STK32C: variants seen among roughly 807,000 people sequenced by gnomAD.
The protein encoded by STK32C is serine/threonine kinase 32C, also known as serine/threonine-protein kinase 32C.
A neutral mutation model predicts 56.5 loss-of-function variants in STK32C; 31 were observed. That is an observed-to-expected ratio of 0.55 (90% CI 0.41 to 0.74). The LOEUF (loss-of-function observed/expected upper bound fraction) is 0.74. STK32C is among the 30% of genes least tolerant of loss of function. STK32C has a pLI of 0.00. For synonymous variants in STK32C, 309 were observed against 289.4 expected, an observed-to-expected ratio of 1.07 and a Z score of -0.69; for missense variants, 544 against 676.9, an observed-to-expected ratio of 0.80 and a Z score of 2.18.
At chr10:132,258,254 C>T (rs190839501) in intron 1 of STK32C, among the ~76,000 whole-genome samples, 4 of 152,364 alleles carry the variant, frequency 2.6e-5, no homozygotes, top group East Asian at 3.9e-4. Context: ...CCGGGCACAG[C>T]GGGAGCTTTG....
chr10:132,283,507 G>C (rs2065279965), intron 1 of STK32C, among the ~76,000 whole-genome samples: 1 of 152,230 alleles, frequency 6.6e-6, no homozygotes, highest in Non-Finnish European at 1.5e-5. Flanking sequence ...GATGGGCAGT[G>C]GGGAGGGCTC....
intron 2 of STK32C, among the ~76,000 whole-genome samples, chr10:132,243,824 G>C (rs1274371883): frequency 4.6e-5 from 7 of 152,170 alleles, no homozygotes; most frequent in African/African-American, 1.7e-4. Context: ...GCGCCGCCCT[G>C]AACGGGTGGG....
intron 1 of STK32C, among the ~76,000 whole-genome samples, chr10:132,254,726 G>A (rs2064043889): frequency 7.2e-6 from 1 of 138,872 alleles, no homozygotes; most frequent in Non-Finnish European, 1.6e-5. Context: ...GGGAGCCCAG[G>A]AGAGTAAAAT....
intron 1 of STK32C, among the ~76,000 whole-genome samples, chr10:132,274,025 T>C (rs2064920701): frequency 6.6e-6 from 1 of 152,226 alleles, no homozygotes; most frequent in Non-Finnish European, 1.5e-5. Flanking sequence ...ATCCGCAAGT[T>C]GTGGGAGGTG....
chr10:132,232,968 C>T (rs1296379297), intron 2 of STK32C, among the ~76,000 whole-genome samples: 1 of 152,186 alleles, frequency 6.6e-6, no homozygotes, highest in Non-Finnish European at 1.5e-5. Context: ...AATTTTTGTT[C>T]CCCAGAAGCA....
chr10:132,278,649 T>C (rs895635580), intron 1 of STK32C, among the ~76,000 whole-genome samples: 7 of 150,592 alleles, frequency 4.6e-5, no homozygotes, highest in Non-Finnish European at 7.4e-5. Flanking sequence ...TACTCCCAGC[T>C]GCTCAGGAGG....
At chr10:132,331,870 TGCGCAGGCGCACCACCCCCTGCCACCCCC>T (rs2066772977), upstream of STK32C, 5 of 1,299,320 alleles carry the variant, frequency 3.8e-6, no homozygotes, top group Non-Finnish European at 4.2e-6. Context: ...GCCGCGTGCG[TGCGCAGGCGCACCACCCCCTGCCACCCCC>T]GCGCAGGCGC....
chr10:132,223,057 G>A (rs2062740562), intron 8 of STK32C, 71 bp from the exon 9 acceptor site: 6 of 1,508,022 alleles, frequency 4.0e-6, no homozygotes, highest in Non-Finnish European at 5.3e-6. Context: ...GCCACCCCCA[G>A]GCCAGGGCAC....
intron 7 of STK32C, 115 bp from the exon 8 acceptor site, chr10:132,224,638 A>AG: frequency 1.3e-6 from 1 of 748,680 alleles, no homozygotes; most frequent in Non-Finnish European, 2.3e-6. Flanking sequence ...CCCCAAGTGC[A>AG]GGCACAGCTC....
chr10:132,246,176 C>G (rs2063683659), intron 1 of STK32C, among the ~76,000 whole-genome samples: 1 of 152,236 alleles, frequency 6.6e-6, no homozygotes, highest in Non-Finnish European at 1.5e-5. Context: ...ACGTCCTACT[C>G]CCAGGATTGC....
Position 132,304,788 on chromosome 10 carries a change from T to C in STK32C, c.262+2784A>G, listed in dbSNP as rs574888852. On this transcript the variant is annotated intron_variant, in intron 1 of 11. Transcript: ENST00000298630. ...TGGCCCCTGGTCCTGCCTCACTGCC[T>C]GCCCGGCCCGGCGCCCAGGGCGGGC... is the stretch of plus-strand genomic sequence containing the variant. Among the ~76,000 whole-genome samples the C allele has an allele frequency of 1.4e-3, 216 of 152,380 alleles. 2 individuals carry two copies. The highest frequency in any genetic ancestry group is 4.6e-3 in the African/African-American group (190 of 41,592).
intron 1 of STK32C, among the ~76,000 whole-genome samples, chr10:132,257,367 G>A (rs2064158158): frequency 7.4e-6 from 1 of 134,758 alleles, no homozygotes; most frequent in Non-Finnish European, 1.7e-5. Flanking sequence ...GAGACGGAGG[G>A]GCTCCTAGGA....
rs1382424606 is a variant in STK32C at position 132,245,865 on chromosome 10, C to G, written c.318+35G>C. On this transcript the variant is annotated intron_variant, in intron 2 of 11. Coordinates refer to ENST00000298630, the MANE Select transcript of STK32C (RefSeq NM_173575.4). ...CGACTCCACGGTTCTGCCCCTGCCC[C>G]CTCAGCCCAGTCCCCACCCCAGGCC... 7.5e-6 allele frequency: 12 copies of G among 1,605,252 alleles called. No individual in the cohort carries two copies. The South Asian group carries it at 1.2e-4, about 16-fold the overall frequency.
chr10:132,227,455 C>T (rs1025909774), intron 3 of STK32C, among the ~76,000 whole-genome samples: 5 of 151,374 alleles, frequency 3.3e-5, no homozygotes, highest in African/African-American at 9.7e-5. Flanking sequence ...GTGAGGATGA[C>T]GGTAGTGAGG....
At position 132,228,003 on chromosome 10, in the gene STK32C, G is replaced by C; in HGVS notation, c.444C>G (p.Ile148Met). Residue 148 changes from isoleucine to methionine, a missense_variant, in exon 3 of 12, where the codon ATC becomes ATG. Physicochemically the swap from Ile to Met is conservative, Grantham distance 10. Around this residue, in one of 3 missense-constraint regions of STK32C, gnomAD observed 182 missense variants for 217.7 expected, o/e 0.84. Transcript: ENST00000298630. ...VFRELEILQE[I>M]EHVFLVNLWY... Reference sequence around the variant, plus strand: ...AGAGGTTCACCAGGAAGACGTGCTCGATCTCCTGCAGGATCTCCAGCTCCC... The same window carrying C: ...AGAGGTTCACCAGGAAGACGTGCTCCATCTCCTGCAGGATCTCCAGCTCCC... The C allele has an allele frequency of 3.1e-6, 5 of 1,613,610 alleles. No homozygotes were observed. The highest frequency in any genetic ancestry group is 3.4e-6 in the Non-Finnish European group (4 of 1,180,000).
At position 132,273,489 on chromosome 10, in the gene STK32C, G is replaced by T. The variant is rs79355890; in HGVS notation, c.263-27534C>A. On this transcript the variant is annotated intron_variant, in intron 1 of 11. Transcript: ENST00000298630. ...GTGAGTGAATGGTGAGTGAGTGAAC[G>T]AATGCACGGTTAATGATAATGAGTT... Among the ~76,000 whole-genome samples, 516 of 152,270 alleles carry T rather than the reference G, an allele frequency of 3.4e-3. 1 individual carries two copies. The highest frequency in any genetic ancestry group is 0.012 in the African/African-American group (492 of 41,562).
intron 10 of STK32C, among the ~76,000 whole-genome samples, chr10:132,211,362 C>T (rs1014435130): frequency 1.3e-5 from 2 of 152,160 alleles, no homozygotes; most frequent in Non-Finnish European, 1.5e-5. Flanking sequence ...AGAACATGAG[C>T]GCCCGTCGTG....
chr10:132,226,215 G>A (rs893724010), intron 4 of STK32C, among the ~76,000 whole-genome samples: 1 of 152,228 alleles, frequency 6.6e-6, no homozygotes, highest in Non-Finnish European at 1.5e-5. Flanking sequence ...GAGTCCCCAA[G>A]AGCAGAAATG....
chr10:132,249,084 GC>G (rs2063795740), intron 1 of STK32C: 1 of 478,776 alleles, frequency 2.1e-6, no homozygotes, highest in African/African-American at 2.0e-5. Context: ...GAGGCTCCCA[GC>G]TGGGAGGCAG....
Sources: allele counts gnomAD v4.1 joint callset (sites outside exome capture counted in the v4.1 genomes callset), GRCh38; gene constraint gnomAD v4.1.1; regional missense constraint gnomAD v4.1.1; transcripts MANE v1.5; gene names NCBI Gene and HGNC (gene_info 2026-07-23, HGNC 2026-07-21).